PSMG2: variants seen among roughly 807,000 people sequenced by gnomAD.
The protein encoded by PSMG2 is proteasome assembly chaperone 2.
PSMG2 carries 21 observed loss-of-function variants against 31.5 expected under a neutral mutation model. The ratio of observed to expected loss-of-function variants is 0.67; its 90% confidence interval spans 0.47 to 0.96. PSMG2 has a LOEUF of 0.96. Among genes scored for constraint, PSMG2 ranks in the 40% least tolerant of loss-of-function variants. The probability of loss-of-function intolerance (pLI) is 0.00; values close to 1 mark genes in which losing one functional copy is unlikely to be tolerated. For synonymous variants in PSMG2, 120 were observed against 110.4 expected, an observed-to-expected ratio of 1.09 and a Z score of -0.54; for missense variants, 318 against 321.2, an observed-to-expected ratio of 0.99 and a Z score of 0.08.
At position 12,705,685 on chromosome 18, in the gene PSMG2, G is replaced by GCTT. The variant is rs2040261432; in HGVS notation, c.58-862_58-860dup. Among the ~76,000 whole-genome samples, 13 of 152,084 alleles carry GCTT rather than the reference G, an allele frequency of 8.5e-5. No individual in the cohort carries two copies. In the South Asian group the frequency reaches 2.5e-3, roughly 29 times the overall value. Reference sequence around the variant, plus strand: ...GCAAATGGTAAGCAGACCCAAGAGTGCTTCTGTTCATACCTCGAAGCCTTT... The same window carrying GCTT: ...GCAAATGGTAAGCAGACCCAAGAGTGCTTCTTCTGTTCATACCTCGAAGCCTTT... On this transcript the variant is annotated intron_variant, in intron 1 of 6. Transcript: ENST00000317615.
chr18:12,697,504 T>G, intron 1 of PSMG2: 2 of 837,370 alleles, frequency 2.4e-6, no homozygotes, highest in Non-Finnish European at 3.5e-6. Flanking sequence ...AATAAGCTTA[T>G]ATAAAACCAA....
intron 3 of PSMG2, among the ~76,000 whole-genome samples, chr18:12,714,619 G>A (rs748788486): frequency 1.3e-5 from 2 of 150,592 alleles, no homozygotes; most frequent in African/African-American, 2.4e-5. Context: ...TCACCCTCCC[G>A]AGTAGCTGGG....
chr18:12,668,369 A>G (rs2038848675), intron 1 of PSMG2, among the ~76,000 whole-genome samples: 1 of 152,032 alleles, frequency 6.6e-6, no homozygotes, highest in African/African-American at 2.4e-5. Flanking sequence ...AGGTGGGCAG[A>G]TCACTTGAGA....
Position 12,717,949 on chromosome 18 carries a change from A to G in PSMG2, c.289-568A>G, listed in dbSNP as rs569117405. ...TGGGAAATTGTCCTTTGTCCATCAC[A>G]ATAGATTTTTTTTGAAATCTAGATT... On this transcript the variant is annotated intron_variant, in intron 3 of 6. Coordinates refer to ENST00000317615, the MANE Select transcript of PSMG2 (RefSeq NM_020232.5). Among the ~76,000 whole-genome samples the G allele has an allele frequency of 3.9e-5, 6 of 152,158 alleles. No individual in the cohort carries two copies. The South Asian group carries it at 8.3e-4, about 21-fold the overall frequency.
chr18:12,663,285 A>G (rs1368047417), intron 1 of PSMG2, among the ~76,000 whole-genome samples: 1 of 152,172 alleles, frequency 6.6e-6, no homozygotes, highest in Non-Finnish European at 1.5e-5. Flanking sequence ...GCCCAAAAAT[A>G]TATATTCTTT....
intron 1 of PSMG2, among the ~76,000 whole-genome samples, chr18:12,694,836 G>C (rs927524221): frequency 2.6e-5 from 4 of 151,308 alleles, no homozygotes; most frequent in Admixed American, 2.6e-4. Flanking sequence ...TCAGCCTCCC[G>C]GGTAGCTGGT....
chr18:12,680,562 A>G (rs2145014219), intron 1 of PSMG2: 4 of 835,984 alleles, frequency 4.8e-6, no homozygotes, highest in East Asian at 3.0e-5. Context: ...GTGCCAGTGC[A>G]CTCCAGCCTG....
At chr18:12,664,973 AG>A (rs1262612084) in intron 1 of PSMG2, 2 of 152,122 alleles carry the variant, frequency 1.3e-5, no homozygotes, top group African/African-American at 4.8e-5. Flanking sequence ...TGCTGGCGTG[AG>A]CCACTGCACC....
intron 1 of PSMG2, among the ~76,000 whole-genome samples, chr18:12,695,991 T>C (rs2039943218): frequency 1.3e-5 from 2 of 152,248 alleles, no homozygotes; most frequent in South Asian, 4.1e-4. Context: ...TGCCTGGATT[T>C]AAAGAACTAG....
chr18:12,673,992 A>AT (rs1289144202), intron 1 of PSMG2, among the ~76,000 whole-genome samples: 5 of 152,180 alleles, frequency 3.3e-5, no homozygotes, highest in Non-Finnish European at 5.9e-5. Context: ...TCCAAACAAA[A>AT]TCAGAGATAC....
chr18:12,683,953 T>A (rs1305448896), intron 1 of PSMG2, among the ~76,000 whole-genome samples: 1 of 151,048 alleles, frequency 6.6e-6, no homozygotes, highest in Non-Finnish European at 1.5e-5. Flanking sequence ...CCATTACTGT[T>A]GTAATGCTGT....
chr18:12,670,896 G>T (rs868035839), intron 1 of PSMG2: 7 of 151,676 alleles, frequency 4.6e-5, no homozygotes, highest in African/African-American at 1.7e-4. Context: ...AGATTCTCCT[G>T]CCTCAGCCTC....
At chr18:12,674,608 C>A (rs2039055694) in intron 1 of PSMG2, 1 of 1,614,048 alleles carries the variant, frequency 6.2e-7, no homozygotes, top group Non-Finnish European at 8.5e-7. Flanking sequence ...AAATGTGTGA[C>A]CATCAGGTAC....
chr18:12,686,330 G>C, intron 1 of PSMG2: 1 of 1,614,044 alleles, frequency 6.2e-7, no homozygotes, highest in East Asian at 2.2e-5. Flanking sequence ...CCAATAACAG[G>C]GGCTCGTTCA....
chr18:12,674,505 T>C, intron 1 of PSMG2: 1 of 1,557,246 alleles, frequency 6.4e-7, no homozygotes, highest in Non-Finnish European at 8.8e-7. Flanking sequence ...ACTCCTAAAC[T>C]GAAAAAATGA....
At chr18:12,691,769 G>A (rs2039772592) in intron 1 of PSMG2, among the ~76,000 whole-genome samples, 1 of 150,362 alleles carries the variant, frequency 6.7e-6, no homozygotes, top group South Asian at 2.1e-4. Context: ...AGGCTGGAGT[G>A]CAGTGGCAAG....
At chr18:12,710,092 G>T (rs569637957) in intron 2 of PSMG2, among the ~76,000 whole-genome samples, 1 of 151,822 alleles carries the variant, frequency 6.6e-6, no homozygotes, top group Non-Finnish European at 1.5e-5. Context: ...ACAGACACCC[G>T]CCATCACGCC....
At chr18:12,716,767 A>G (rs1046524594) in intron 3 of PSMG2, among the ~76,000 whole-genome samples, 7 of 152,140 alleles carry the variant, frequency 4.6e-5, no homozygotes, top group African/African-American at 1.7e-4. Context: ...TAAGTACCTT[A>G]TATTTATTAC....
At chr18:12,661,001 G>A in intron 1 of PSMG2, among the ~76,000 whole-genome samples, 1 of 152,126 alleles carries the variant, frequency 6.6e-6, no homozygotes, top group Non-Finnish European at 1.5e-5. Flanking sequence ...ATGATTTTCA[G>A]TACTCCTTAA....
Sources: gnomAD v4.1 joint callset for allele counts (sites outside exome capture counted in the v4.1 genomes callset) on GRCh38, gnomAD v4.1.1 for gene constraint, MANE v1.5 for transcripts, NCBI Gene and HGNC (gene_info 2026-07-23, HGNC 2026-07-21) for gene names.